Variants in DIS3L2 observed in about 807,000 individuals in gnomAD.
DIS3L2 encodes DIS3 like 3'-5' exoribonuclease 2, also known as DIS3-like exonuclease 2.
A neutral mutation model predicts 97.5 loss-of-function variants in DIS3L2; 34 were observed. That is an observed-to-expected ratio of 0.35 (90% confidence interval 0.27 to 0.46). The LOEUF (loss-of-function observed/expected upper bound fraction) is 0.46, where lower values mean the gene tolerates loss of function less well. Ranked by LOEUF, DIS3L2 falls within the 20% of genes least tolerant of loss-of-function variation. The pLI is 1.00. For missense variants in DIS3L2, 1,038 were observed against 1,146.0 expected, an observed-to-expected ratio of 0.91 and a Z score of 1.36; for synonymous variants, 435 against 445.2, an observed-to-expected ratio of 0.98 and a Z score of 0.29.
At chr2:232,018,058 C>T (rs1217425242) in intron 3 of DIS3L2, among the ~76,000 whole-genome samples, 1 of 152,076 alleles carries the variant, frequency 6.6e-6, no homozygotes, top group Non-Finnish European at 1.5e-5. Flanking sequence ...ATAAAGGATC[C>T]AGATACTGTC....
At chr2:232,190,426 C>A (rs543556473) in intron 9 of DIS3L2, among the ~76,000 whole-genome samples, 1 of 152,110 alleles carries the variant, frequency 6.6e-6, no homozygotes, top group African/African-American at 2.4e-5. Context: ...CCTTGAATTG[C>A]GTCAGTAACT....
intron 10 of DIS3L2, among the ~76,000 whole-genome samples, chr2:232,222,973 C>G (rs761553080): frequency 2.0e-5 from 3 of 152,208 alleles, no homozygotes; most frequent in Non-Finnish European, 4.4e-5. Flanking sequence ...CCCTCTAAGT[C>G]TTATTCCTAT....
At chr2:232,172,981 G>C (rs1320097635) in intron 9 of DIS3L2, among the ~76,000 whole-genome samples, 1 of 152,144 alleles carries the variant, frequency 6.6e-6, no homozygotes, top group African/African-American at 2.4e-5. Flanking sequence ...AAAATGGATT[G>C]CCTTTCTATT....
chr2:231,987,389 A>G (rs1227496161), intron 1 of DIS3L2, among the ~76,000 whole-genome samples: 2 of 152,252 alleles, frequency 1.3e-5, no homozygotes, highest in Non-Finnish European at 2.9e-5. Flanking sequence ...TGGGAATCAT[A>G]ACATTGGATT....
chr2:232,065,191 G>C (rs1274915702), intron 5 of DIS3L2, among the ~76,000 whole-genome samples: 1 of 152,094 alleles, frequency 6.6e-6, no homozygotes, highest in African/African-American at 2.4e-5. Flanking sequence ...CTGTGCAGCA[G>C]ATCTCTAGAA....
chr2:232,026,284 A>G (rs1694653856), intron 4 of DIS3L2, among the ~76,000 whole-genome samples: 1 of 152,154 alleles, frequency 6.6e-6, no homozygotes, highest in African/African-American at 2.4e-5. Context: ...GACAAAGTCT[A>G]TTCCTTGCCA....
intron 13 of DIS3L2, among the ~76,000 whole-genome samples, chr2:232,263,764 T>G (rs1693785025): frequency 6.6e-6 from 1 of 152,202 alleles, no homozygotes; most frequent in Non-Finnish European, 1.5e-5. Context: ...GTGTCCAGTC[T>G]GTGATCCTCA....
chr2:232,089,474 A>T (rs1270497441), intron 6 of DIS3L2, among the ~76,000 whole-genome samples: 1 of 152,182 alleles, frequency 6.6e-6, no homozygotes, highest in Non-Finnish European at 1.5e-5. Context: ...TTCCTCTTAA[A>T]GTAAATGTGT....
At chr2:232,026,454 G>T (rs1438165306) in intron 4 of DIS3L2, among the ~76,000 whole-genome samples, 1 of 151,888 alleles carries the variant, frequency 6.6e-6, no homozygotes, top group Admixed American at 6.6e-5. Flanking sequence ...GCCCTTTCAT[G>T]CCCAAACGTG....
intron 10 of DIS3L2, among the ~76,000 whole-genome samples, chr2:232,216,010 C>T (rs566144950): frequency 6.6e-6 from 1 of 152,184 alleles, no homozygotes; most frequent in Non-Finnish European, 1.5e-5. Flanking sequence ...TGCCCTGCTT[C>T]CTCCTCTTGC....
At chr2:232,181,952 G>A (rs889633937) in intron 9 of DIS3L2, among the ~76,000 whole-genome samples, 1 of 151,840 alleles carries the variant, frequency 6.6e-6, no homozygotes, top group Admixed American at 6.6e-5. Context: ...GTGCCCGGGC[G>A]CCTGGCTAAT....
intron 9 of DIS3L2, among the ~76,000 whole-genome samples, chr2:232,184,031 T>C (rs1407520317): frequency 1.3e-5 from 2 of 152,214 alleles, no homozygotes; most frequent in Non-Finnish European, 2.9e-5. Flanking sequence ...AAGTAAACTT[T>C]GTAAGTAAAA....
chr2:232,307,133 C>T lies in DIS3L2; in HGVS notation c.1739+7014C>T, dbSNP rs142448017. Among the ~76,000 whole-genome samples, 462 of 152,378 alleles carry T rather than the reference C, an allele frequency of 3.0e-3. 7 individuals are homozygous for T. The highest frequency in any genetic ancestry group is 3.4e-3 in the Middle Eastern group (1 of 294). On this transcript the variant is annotated intron_variant, in intron 14 of 20. Coordinates refer to ENST00000325385, the MANE Select transcript of DIS3L2 (RefSeq NM_152383.5). ...CTCCATGTCAGCTCTTAGCACTGTG[C>T]CTTTCAGTTGTGGGTTTGCTTGTTG...
chr2:232,001,174 A>G (rs898668084), intron 1 of DIS3L2, among the ~76,000 whole-genome samples: 2 of 152,182 alleles, frequency 1.3e-5, no homozygotes, highest in African/African-American at 2.4e-5. Flanking sequence ...TTCCACCAAC[A>G]GTGTACAAGG....
chr2:232,135,334 C>G (rs555115702), intron 7 of DIS3L2, among the ~76,000 whole-genome samples: 1 of 152,122 alleles, frequency 6.6e-6, no homozygotes, highest in South Asian at 2.1e-4. Flanking sequence ...GAGTAAAGGT[C>G]TGGGTGTGGC....
intron 1 of DIS3L2, among the ~76,000 whole-genome samples, chr2:232,001,571 T>TTTTTTTTTTTG (rs1693907527): frequency 6.7e-6 from 1 of 148,660 alleles, no homozygotes; most frequent in African/African-American, 2.5e-5. Flanking sequence ...TTTTTTTTTT[T>TTTTTTTTTTTG]TTTTTTTTTG....
chr2:232,266,375 T>C (rs1259361106), intron 13 of DIS3L2, among the ~76,000 whole-genome samples: 1 of 152,218 alleles, frequency 6.6e-6, no homozygotes, highest in Non-Finnish European at 1.5e-5. Flanking sequence ...GAAATTCAAA[T>C]TGCCCTGTGT....
intron 9 of DIS3L2, among the ~76,000 whole-genome samples, chr2:232,205,793 A>G (rs1472803094): frequency 6.6e-6 from 1 of 152,168 alleles, no homozygotes; most frequent in African/African-American, 2.4e-5. Context: ...TATTTATTTT[A>G]TTTTGTACAG....
chr2:232,265,216 G>A (rs956591432), intron 13 of DIS3L2, among the ~76,000 whole-genome samples: 2 of 152,106 alleles, frequency 1.3e-5, no homozygotes, highest in African/African-American at 2.4e-5. Context: ...GTTTCTCTTT[G>A]TACATCTCCA....
Sources: gnomAD v4.1 joint callset for allele counts (sites outside exome capture counted in the v4.1 genomes callset) on GRCh38, gnomAD v4.1.1 for gene constraint, MANE v1.5 for transcripts, NCBI Gene and HGNC (gene_info 2026-07-23, HGNC 2026-07-21) for gene names.